Variants in UBE2E1 observed in about 807,000 individuals in gnomAD.
The protein encoded by UBE2E1 is ubiquitin conjugating enzyme E2 E1.
Under a neutral mutation model 21.4 loss-of-function variants are expected in UBE2E1, and 6 were observed. That is an observed-to-expected ratio of 0.28 (90% CI 0.15 to 0.55). The LOEUF is 0.55. UBE2E1 is among the 20% of genes least tolerant of loss of function. UBE2E1 has a pLI of 0.93. For synonymous variants in UBE2E1, 87 were observed against 82.7 expected (o/e 1.05, Z -0.28); for missense variants, 142 against 236.5 (o/e 0.60, Z 2.62).
chr3:23,869,365 T>C lies in UBE2E1; in HGVS notation c.204-18202T>C, dbSNP rs574017043. ...TTTATGGTATCCTTTTTTTTTTTTT[T>C]TTTTTTTTTTAAGGATTTTCAATTT... On this transcript the variant is annotated intron_variant, in intron 3 of 5. Transcript: ENST00000306627. Among the ~76,000 whole-genome samples the C allele has an allele frequency of 1.3e-4, 13 of 102,290 alleles. No individual in the cohort carries two copies. The East Asian group carries it at 3.2e-3, about 25-fold the overall frequency. The allele number at this position is 102,290 out of a possible 152,430, so 67.1% of individuals were successfully genotyped here. A position where few individuals can be genotyped will look rare whatever the true frequency, so the allele number is the denominator to read the frequency against.
chr3:23,839,623 A>G (rs913481391), intron 3 of UBE2E1, among the ~76,000 whole-genome samples: 1 of 152,008 alleles, frequency 6.6e-6, no homozygotes, highest in Non-Finnish European at 1.5e-5. Context: ...CATTTCTTGC[A>G]GTCAGGTCTG....
chr3:23,857,016 A>G (rs1018784771), intron 3 of UBE2E1, among the ~76,000 whole-genome samples: 3 of 147,262 alleles, frequency 2.0e-5, no homozygotes. Flanking sequence ...AAAAAAAAAA[A>G]AAAGAGAGAG....
intron 3 of UBE2E1, among the ~76,000 whole-genome samples, chr3:23,877,598 A>G (rs77990683): frequency 0.015 from 2,298 of 152,296 alleles, 63 homozygotes; most frequent in African/African-American, 0.053. Context: ...GGGGTGGGGT[A>G]GGAGGCAAAA....
At chr3:23,822,142 A>G (rs1212879703) in intron 3 of UBE2E1, among the ~76,000 whole-genome samples, 1 of 152,212 alleles carries the variant, frequency 6.6e-6, no homozygotes, top group Non-Finnish European at 1.5e-5. Flanking sequence ...TAGAGTGATC[A>G]AGTGGGAAAT....
intron 3 of UBE2E1, among the ~76,000 whole-genome samples, chr3:23,865,502 A>G (rs1451716165): frequency 6.6e-6 from 1 of 152,128 alleles, no homozygotes; most frequent in Admixed American, 6.5e-5. Context: ...TGACAGGTGC[A>G]TGCCACCATG....
At chr3:23,838,531 GTCA>G (rs753717949) in intron 3 of UBE2E1, among the ~76,000 whole-genome samples, 2 of 152,030 alleles carry the variant, frequency 1.3e-5, no homozygotes, top group Non-Finnish European at 2.9e-5. Flanking sequence ...GTCTTACCCT[GTCA>G]CCCAGGCCGG....
intron 3 of UBE2E1, among the ~76,000 whole-genome samples, chr3:23,815,561 A>G (rs1699497374): frequency 6.6e-6 from 1 of 152,212 alleles, no homozygotes; most frequent in East Asian, 1.9e-4. Context: ...TTTTTCTGGC[A>G]TTCCAATACC....
chr3:23,813,133 C>A (rs537148487), intron 3 of UBE2E1, among the ~76,000 whole-genome samples: 1 of 152,160 alleles, frequency 6.6e-6, no homozygotes, highest in East Asian at 1.9e-4. Context: ...CAAGGTGAAA[C>A]GTTTGGGAAT....
chr3:23,807,153 A>T (rs111578725), intron 1 of UBE2E1, 84 bp from the exon 2 acceptor site: 3 of 1,226,238 alleles, frequency 2.4e-6, no homozygotes, highest in Non-Finnish European at 3.3e-6. Context: ...CCCCTGGTCA[A>T]TGCCCTCCTG....
At chr3:23,855,787 G>A (rs1454486147) in intron 3 of UBE2E1, among the ~76,000 whole-genome samples, 1 of 151,950 alleles carries the variant, frequency 6.6e-6, no homozygotes, top group Non-Finnish European at 1.5e-5. Flanking sequence ...CCAAGATCAT[G>A]CCACTGCACT....
chr3:23,860,196 T>G (rs1367721103), intron 3 of UBE2E1, among the ~76,000 whole-genome samples: 2 of 152,236 alleles, frequency 1.3e-5, no homozygotes, highest in Admixed American at 1.3e-4. Flanking sequence ...TGCTTTCACC[T>G]TGGCTAGATG....
chr3:23,861,099 C>T (rs572864448), intron 3 of UBE2E1, among the ~76,000 whole-genome samples: 22 of 152,306 alleles, frequency 1.4e-4, no homozygotes, highest in Admixed American at 2.6e-4. Context: ...CCTTCTGCTC[C>T]TTAAAGGTAG....
rs1453076757 is a variant in UBE2E1 at position 23,810,106 on chromosome 3, A to C, written c.153-1354A>C. Among the ~76,000 whole-genome samples, 1 of 152,210 alleles carries C rather than the reference A, an allele frequency of 6.6e-6. No homozygotes were observed. The highest frequency in any genetic ancestry group is 1.9e-4 in the East Asian group (1 of 5,200). ...TACCCGCAGAAAACCTTTGGAAAGGAAAACGTATCCTTTGTGAATTAGATT... is the reference window on the plus strand; with the variant it reads ...TACCCGCAGAAAACCTTTGGAAAGGCAAACGTATCCTTTGTGAATTAGATT... On this transcript the variant is annotated intron_variant, in intron 2 of 5. Transcript: ENST00000306627. The surrounding 1 kb of genome is among the most constrained non-coding windows in gnomAD (Gnocchi z 5.8).
At chr3:23,825,595 G>A (rs761204086) in intron 3 of UBE2E1, among the ~76,000 whole-genome samples, 22 of 152,162 alleles carry the variant, frequency 1.4e-4, no homozygotes, top group African/African-American at 5.1e-4. Context: ...GAGTGACTGC[G>A]CAGGTTGGGA....
intron 3 of UBE2E1, among the ~76,000 whole-genome samples, chr3:23,862,391 G>C (rs997087838): frequency 1.3e-5 from 2 of 152,152 alleles, no homozygotes; most frequent in Non-Finnish European, 2.9e-5. Flanking sequence ...GCATAACTTA[G>C]ATACCATTAC....
At chr3:23,833,495 A>G (rs1463503132) in intron 3 of UBE2E1, among the ~76,000 whole-genome samples, 1 of 152,266 alleles carries the variant, frequency 6.6e-6, no homozygotes, top group Non-Finnish European at 1.5e-5. Context: ...ACAAATAAAC[A>G]CTGATTCAGA....
intron 2 of UBE2E1, 102 bp downstream of exon 2, chr3:23,807,523 G>T: frequency 7.2e-7 from 1 of 1,396,490 alleles, no homozygotes; most frequent in Non-Finnish European, 9.6e-7. Flanking sequence ...GCTCCTCATG[G>T]TTTATGTGTT....
At chr3:23,839,581 A>T (rs9830778) in intron 3 of UBE2E1, among the ~76,000 whole-genome samples, 114,504 of 151,894 alleles carry the variant, frequency 0.75, 43,644 homozygotes, top group African/African-American at 0.81. Flanking sequence ...TCACTCACTG[A>T]CATCTCCTTC....
rs1701392045 is a variant in UBE2E1 at position 23,890,699 on chromosome 3, G to A, written c.*93G>A. 1 of 1,111,810 alleles carries A rather than the reference G, an allele frequency of 9.0e-7. No homozygotes were observed. The highest frequency in any genetic ancestry group is 2.7e-5 in the Admixed American group (1 of 36,696). 68.9% of individuals were successfully genotyped at this position (1,111,810 alleles called of 1,614,324 possible). Reference sequence around the variant, plus strand: ...GTCAGGGAGGGTGGGAGTTGGTAAAGAGTAGGGTATTTCTATAACAGATAT... The same window carrying A: ...GTCAGGGAGGGTGGGAGTTGGTAAAAAGTAGGGTATTTCTATAACAGATAT... On this transcript the variant is annotated 3_prime_UTR_variant, in exon 6 of 6. Coordinates refer to ENST00000306627, the MANE Select transcript of UBE2E1 (RefSeq NM_003341.5).
Sources: allele counts gnomAD v4.1 joint callset (sites outside exome capture counted in the v4.1 genomes callset), GRCh38; gene constraint gnomAD v4.1.1; non-coding constraint Gnocchi (gnomAD v3.1); transcripts MANE v1.5; gene names NCBI Gene and HGNC (gene_info 2026-07-23, HGNC 2026-07-21).